EIF4G3: variants seen among roughly 807,000 people sequenced by gnomAD.
EIF4G3 encodes the protein eukaryotic translation initiation factor 4 gamma 3, also known as eIF-4-gamma 3.
A neutral mutation model predicts 186.4 loss-of-function variants in EIF4G3; 34 were observed. The ratio of observed to expected loss-of-function variants is 0.18; its 90% confidence interval spans 0.14 to 0.24. The LOEUF is 0.24. Among genes scored for constraint, EIF4G3 ranks in the 10% least tolerant of loss-of-function variants. The pLI is 1.00. For missense variants in EIF4G3, 1,536 were observed against 1,948.5 expected (o/e 0.79, Z 3.99); for synonymous variants, 673 against 679.5 (o/e 0.99, Z 0.15).
chr1:20,861,280 C>T lies in EIF4G3; in HGVS notation c.3112-763G>A, dbSNP rs117476854. Among the ~76,000 whole-genome samples, 144 of 152,044 alleles carry T rather than the reference C, an allele frequency of 9.5e-4. No homozygotes were observed. The East Asian group carries it at 0.024, about 25-fold the overall frequency. On this transcript the variant is annotated intron_variant, in intron 23 of 36. Coordinates refer to ENST00000602326, the MANE Select transcript of EIF4G3 (RefSeq NM_001391906.1). ...GTGTAGGGCTTGATGTAGTATATTC[C>T]CTGTAGGAGTGAAACTTACAAAAGA...
rs539063571 is a variant in EIF4G3 at position 21,013,407 on chromosome 1, G to C, written c.-66-10599C>G. 1.7e-3 allele frequency among the ~76,000 whole-genome samples: 256 copies of C among 152,204 alleles called. 1 individual carries two copies. The highest frequency in any genetic ancestry group is 5.7e-3 in the African/African-American group (238 of 41,530). On this transcript the variant is annotated intron_variant, in intron 4 of 36. Transcript: ENST00000602326. ...GCCCTTGCTCCAATCCCTCCTCATT[G>C]AGGCCAAGTTGGGAGGAATCCACCT... is the stretch of plus-strand genomic sequence containing the variant.
intron 14 of EIF4G3, among the ~76,000 whole-genome samples, chr1:20,919,564 C>G (rs1322673815): frequency 6.6e-6 from 1 of 152,058 alleles, no homozygotes; most frequent in African/African-American, 2.4e-5. Context: ...TATATGCTAA[C>G]TTTGAAAACA....
At chr1:21,106,232 C>A (rs2096615448) in intron 2 of EIF4G3, among the ~76,000 whole-genome samples, 2 of 151,820 alleles carry the variant, frequency 1.3e-5, no homozygotes, top group African/African-American at 4.8e-5. Flanking sequence ...CAGAGGAGAT[C>A]CATAATAGCA....
chr1:20,861,771 C>T (rs1025478881), intron 23 of EIF4G3, among the ~76,000 whole-genome samples: 28 of 152,054 alleles, frequency 1.8e-4, no homozygotes, highest in African/African-American at 6.3e-4. Context: ...GTCAGGAGTT[C>T]CAGACCAGCC....
intron 2 of EIF4G3, among the ~76,000 whole-genome samples, chr1:21,142,317 T>A (rs1307955131): frequency 4.7e-5 from 7 of 150,162 alleles, no homozygotes; most frequent in African/African-American, 1.7e-4. Context: ...CTGGGCAACA[T>A]GATGAAACCC....
At chr1:21,034,085 A>T (rs2092979294) in intron 4 of EIF4G3, among the ~76,000 whole-genome samples, 1 of 152,124 alleles carries the variant, frequency 6.6e-6, no homozygotes, top group African/African-American at 2.4e-5. Context: ...ACAGAGGGAG[A>T]CTGTCTGAAA....
At chr1:20,957,376 T>C (rs1214609310) in intron 12 of EIF4G3, among the ~76,000 whole-genome samples, 1 of 150,836 alleles carries the variant, frequency 6.6e-6, no homozygotes, top group East Asian at 1.9e-4. Context: ...ACCTCTGGAG[T>C]ACAGCAAAAG....
intron 12 of EIF4G3, among the ~76,000 whole-genome samples, chr1:20,968,538 C>T (rs1487335500): frequency 1.3e-5 from 2 of 152,106 alleles, no homozygotes; most frequent in African/African-American, 4.8e-5. Context: ...GTTTACTAAA[C>T]TCCAGTTTCC....
chr1:21,136,189 CA>C (rs1290505705), intron 2 of EIF4G3, among the ~76,000 whole-genome samples: 7 of 135,230 alleles, frequency 5.2e-5, no homozygotes, highest in Non-Finnish European at 6.4e-5. Context: ...GACTCCGTCT[CA>C]AAAAAAAAAG....
At chr1:21,059,124 A>G (rs547186061) in intron 3 of EIF4G3, among the ~76,000 whole-genome samples, 1 of 152,304 alleles carries the variant, frequency 6.6e-6, no homozygotes, top group South Asian at 2.1e-4. Flanking sequence ...CTATAAAGGT[A>G]AAAGGCACAT....
chr1:21,151,261 T>TG (rs1288945530), intron 2 of EIF4G3, among the ~76,000 whole-genome samples: 14 of 144,542 alleles, frequency 9.7e-5, no homozygotes, highest in African/African-American at 2.8e-4. Flanking sequence ...TTTTTTGAGA[T>TG]GGAGTCTCGC....
chr1:20,895,638 A>T, intron 16 of EIF4G3, 137 bp from the exon 17 acceptor site: 7 of 928,012 alleles, frequency 7.5e-6, no homozygotes, highest in South Asian at 4.5e-5. Flanking sequence ...GCTATAATGA[A>T]GCTGAAAGGT....
At position 20,957,416 on chromosome 1, in the gene EIF4G3, A is replaced by G. The variant is rs146625329; in HGVS notation, c.715-7305T>C. 4.0e-3 allele frequency among the ~76,000 whole-genome samples: 615 copies of G among 152,270 alleles called. 7 individuals carry two copies. The highest frequency in any genetic ancestry group is 0.014 in the African/African-American group (594 of 41,552). On this transcript the variant is annotated intron_variant, in intron 12 of 36. Coordinates refer to ENST00000602326, the MANE Select transcript of EIF4G3 (RefSeq NM_001391906.1). Reference sequence around the variant, plus strand: ...GCCAAGAGCAAAGTTTACAGCACTAAATGTCTACATCAAAAAGTCTGAAAG... The same window carrying G: ...GCCAAGAGCAAAGTTTACAGCACTAGATGTCTACATCAAAAAGTCTGAAAG...
At chr1:21,012,590 G>A (rs771901346) in intron 4 of EIF4G3, among the ~76,000 whole-genome samples, 105 of 152,072 alleles carry the variant, frequency 6.9e-4, no homozygotes, top group Non-Finnish European at 1.1e-3. Context: ...TCAAGAAACC[G>A]GTAAGAACCT....
chr1:21,045,056 G>T (rs935973758), intron 4 of EIF4G3, among the ~76,000 whole-genome samples: 1 of 152,014 alleles, frequency 6.6e-6, no homozygotes, highest in Non-Finnish European at 1.5e-5. Context: ...GGGGGTCAAG[G>T]CTGCAGTGAG....
intron 3 of EIF4G3, among the ~76,000 whole-genome samples, chr1:21,056,998 C>A (rs2094590776): frequency 6.6e-6 from 1 of 152,160 alleles, no homozygotes; most frequent in African/African-American, 2.4e-5. Context: ...TTGCTTCTTA[C>A]AGATATTATA....
At chr1:20,989,113 T>C (rs1241272037) in intron 7 of EIF4G3, among the ~76,000 whole-genome samples, 2 of 77,530 alleles carry the variant, frequency 2.6e-5, no homozygotes, top group Non-Finnish European at 2.6e-5. Context: ...GAGAGATTTG[T>C]GATTCATGGG....
intron 2 of EIF4G3, among the ~76,000 whole-genome samples, chr1:21,157,111 T>C (rs2097676016): frequency 6.6e-6 from 1 of 152,148 alleles, no homozygotes; most frequent in Non-Finnish European, 1.5e-5. Flanking sequence ...CCAAAGGTTC[T>C]CCAAAATTGT....
At chr1:21,015,113 A>G (rs931957536) in intron 4 of EIF4G3, among the ~76,000 whole-genome samples, 2 of 152,064 alleles carry the variant, frequency 1.3e-5, no homozygotes, top group East Asian at 1.9e-4. Flanking sequence ...CAAATTCTGG[A>G]GCTGAAAAAA....
Sources: gnomAD v4.1 joint callset for allele counts (sites outside exome capture counted in the v4.1 genomes callset) on GRCh38, gnomAD v4.1.1 for gene constraint, MANE v1.5 for transcripts, NCBI Gene and HGNC (gene_info 2026-07-23, HGNC 2026-07-21) for gene names.